Variants in TRPV1 observed in about 807,000 individuals in gnomAD.
TRPV1 encodes transient receptor potential cation channel subfamily V member 1.
Under a neutral mutation model 82.3 loss-of-function variants are expected in TRPV1, and 82 were observed. That is an observed-to-expected ratio of 1.00 (90% CI 0.83 to 1.20). The LOEUF (loss-of-function observed/expected upper bound fraction) is 1.20. Among genes scored for constraint, TRPV1 ranks in the 50% most tolerant of loss-of-function variants. The pLI, the probability that TRPV1 is intolerant of heterozygous loss-of-function variation, is 0.00. For missense variants in TRPV1, 1,067 were observed against 1,096.8 expected (o/e 0.97, Z 0.38); for synonymous variants, 515 against 467.7 (o/e 1.10, Z -1.30).
chr17:3,577,460 T>G (rs931814776), intron 12 of TRPV1, 138 bp downstream of exon 12: 59 of 1,203,698 alleles, frequency 4.9e-5, no homozygotes, highest in Non-Finnish European at 6.3e-5. Context: ...ATTGCTTGAT[T>G]CTTGGAAAAT....
At chr17:3,602,587 G>A (rs1597556876) in intron 2 of TRPV1, among the ~76,000 whole-genome samples, 2 of 152,308 alleles carry the variant, frequency 1.3e-5, no homozygotes, top group East Asian at 3.9e-4. Flanking sequence ...TCTAAGTTCA[G>A]GTTTGATGGG....
At chr17:3,580,002 A>G (rs568781484) in intron 11 of TRPV1, among the ~76,000 whole-genome samples, 1 of 149,708 alleles carries the variant, frequency 6.7e-6, no homozygotes, top group African/African-American at 2.4e-5. Flanking sequence ...GCTGCTATAT[A>G]CTCTACGATG....
intron 16 of TRPV1, among the ~76,000 whole-genome samples, chr17:3,568,446 T>C (rs1316474035): frequency 6.6e-6 from 1 of 152,184 alleles, no homozygotes; most frequent in East Asian, 1.9e-4. Context: ...ATAAGCATTA[T>C]TACAGGATGC....
intron 14 of TRPV1, among the ~76,000 whole-genome samples, chr17:3,573,258 T>C (rs1008432435): frequency 2.0e-5 from 3 of 152,006 alleles, no homozygotes; most frequent in African/African-American, 7.2e-5. Context: ...TCCTCTGAGG[T>C]GGACACCCTG....
rs1318024668 is a variant in TRPV1, at chr17:3,566,883, A to G, written c.2452T>C (p.Phe818Leu). Reference protein sequence around the residue: ...AQPEEVYLRQFSGSLKPEDAE... With the variant: ...AQPEEVYLRQLSGSLKPEDAE... ...TCCTCTGGCTTCAGAGACCCTGAAA[A>G]CTGTCGCAGATAAACTTCCTCGGGC... is the stretch of plus-strand genomic sequence containing the variant. Residue 818 changes from phenylalanine to leucine, a missense_variant, in exon 17 of 17, where the codon TTT (phenylalanine) becomes CTT (leucine). Phe to Leu is a conservative substitution (Grantham distance 22). Transcript: ENST00000572705. The G allele has an allele frequency of 6.2e-7, 1 of 1,613,948 alleles. No homozygotes were observed. Among genetic ancestry groups the G allele is most frequent in the East Asian group, 2.2e-5 (1 of 44,878 alleles).
chr17:3,589,772 G>A (rs201488859), intron 7 of TRPV1, 35 bp downstream of exon 7: 51 of 1,583,078 alleles, frequency 3.2e-5, no homozygotes, highest in South Asian at 2.4e-4. Context: ...CATCAGCCCC[G>A]CACCGCACCA....
chr17:3,578,020 A>G, intron 11 of TRPV1: 2 of 353,542 alleles, frequency 5.7e-6, no homozygotes, highest in Non-Finnish European at 1.1e-5. Context: ...TATAGTACCT[A>G]AAGGCCAGGC....
rs2074978455 is a variant in TRPV1 at position 3,579,565 on chromosome 17, TC to T, written c.1547+891del. Among the ~76,000 whole-genome samples, 3 of 152,266 alleles carry T rather than the reference TC, an allele frequency of 2.0e-5. No individual in the cohort carries two copies. In the South Asian group the frequency reaches 6.2e-4, roughly 32 times the overall value. On this transcript the variant is annotated intron_variant, in intron 11 of 16. Transcript: ENST00000572705. ...ATCTGGGCTCACTGCAACCTCTGTC[TC>T]CCGGGTACAAACAATTCTCCCACCT...
intron 2 of TRPV1, 28 bp from the exon 3 acceptor site, chr17:3,592,411 C>A: frequency 6.6e-7 from 1 of 1,515,730 alleles, no homozygotes; most frequent in South Asian, 1.2e-5. Context: ...CCGGGGTTGA[C>A]TCCCAAAGTA....
chr17:3,588,359 G>A lies in TRPV1; in HGVS notation c.1053C>T (p.Ala351=). 1 of 1,556,838 alleles carries A rather than the reference G, an allele frequency of 6.4e-7. No homozygotes were observed. Among genetic ancestry groups the A allele is most frequent in the African/African-American group, 1.4e-5 (1 of 73,348 alleles). Residue 351 remains alanine (A), a synonymous_variant, in exon 8 of 17, where the codon GCC becomes GCT. Coordinates refer to ENST00000572705, the MANE Select transcript of TRPV1 (RefSeq NM_080704.4). ...CCTGGATCTCCCGCTGGAGAATATA[G>A]GCCAAGACCTGCCCCCGGGGAGCAA... The part of the protein sequence containing the change: ...AAGTGKIGVL[A]YILQREIQEP...
intron 16 of TRPV1, among the ~76,000 whole-genome samples, chr17:3,567,575 A>G (rs2150820353): frequency 6.6e-6 from 1 of 151,936 alleles, no homozygotes; most frequent in African/African-American, 2.4e-5. Flanking sequence ...AGGAGAGCCC[A>G]TCGCCTGCCC....
chr17:3,569,942 G>A (rs1234897474), intron 16 of TRPV1, among the ~76,000 whole-genome samples: 2 of 151,192 alleles, frequency 1.3e-5, no homozygotes, highest in Non-Finnish European at 3.0e-5. Flanking sequence ...GGGGCCAAGG[G>A]GTCAGGGAGG....
Position 3,589,819 on chromosome 17 carries a change from G to C in TRPV1, c.1032C>G (p.Thr344=). 5 of 1,612,476 alleles carry C rather than the reference G, an allele frequency of 3.1e-6. No homozygotes were observed. Among genetic ancestry groups the C allele is most frequent in the Non-Finnish European group, 4.2e-6 (5 of 1,179,036 alleles). Residue 344 remains threonine, a synonymous_variant, in exon 7 of 17, where the codon ACC becomes ACG. Transcript: ENST00000572705. ...GMTPLALAAG[T]GKIGVLAYIL... ...AGCCCCCTCTTACCCCGATCTTCCC[G>C]GTCCCAGCTGCCAGAGCCAGCGGCG...
rs555725215 is a variant in TRPV1, at chr17:3,574,851, T to C, written c.1781-896A>G. On this transcript the variant is annotated intron_variant, in intron 13 of 16. Transcript: ENST00000572705. The stretch of plus-strand genomic sequence containing the variant: ...CTGAGGCAGGAGAATTGCTTGAACC[T>C]GGGAGGCAGAGTTTGCAGATCGCGC... Among the ~76,000 whole-genome samples the C allele has an allele frequency of 5.9e-4, 83 of 141,624 alleles. 2 individuals are homozygous for C. The Middle Eastern group carries it at 0.022, about 38-fold the overall frequency. The allele number at this position is 141,624 out of a possible 152,430, so 92.9% of individuals were successfully genotyped here.
chr17:3,605,274 C>T (rs958721869), intron 2 of TRPV1, among the ~76,000 whole-genome samples: 29 of 152,158 alleles, frequency 1.9e-4, no homozygotes, highest in Admixed American at 7.2e-4. Context: ...TTTCCGAGGC[C>T]GAGGTGGGTG....
At position 3,590,368 on chromosome 17, in the gene TRPV1, A is replaced by C. The variant is rs373661511; in HGVS notation, c.629T>G (p.Ile210Ser). The C allele has an allele frequency of 5.0e-6, 8 of 1,613,720 alleles. No homozygotes were observed. The highest frequency in any genetic ancestry group is 6.8e-6 in the Non-Finnish European group (8 of 1,179,874). ...CACCAGGGCCATGTTGCGTCTCTCG[A>C]TGGCGATGTGCAGTGCTGTCTGGCC... The part of the protein sequence containing the change: ...YKGQTALHIA[I>S]ERRNMALVTL... The change falls in exon 6 of 17, where the codon ATC becomes AGC. Residue 210 changes from isoleucine (I) to serine (S), a missense_variant. Ile to Ser is a moderately radical substitution (Grantham distance 142, BLOSUM62 -2). Coordinates refer to ENST00000572705, the MANE Select transcript of TRPV1 (RefSeq NM_080704.4).
Position 3,573,532 on chromosome 17 carries a change from G to GCCA in TRPV1, c.2103+100_2103+101insTGG. 5.1e-5 allele frequency: 13 copies of GCCA among 257,076 alleles called. 5 individuals are homozygous for GCCA. Among genetic ancestry groups the GCCA allele is most frequent in the South Asian group, 2.4e-4 (8 of 33,506 alleles). The allele number at this position is 257,076 out of a possible 1,614,324, so 15.9% of individuals were successfully genotyped here. On this transcript the variant is annotated intron_variant, in intron 14 of 16. Transcript: ENST00000572705. Reference sequence around the variant, plus strand: ...GCCCATACCCTCCTGGCCACACACCGCCCCCACCACCCACCCACCTGCAGC... The same window carrying GCCA: ...GCCCATACCCTCCTGGCCACACACCGCCACCCCCACCACCCACCCACCTGCAGC...
chr17:3,579,899 A>G (rs900207248), intron 11 of TRPV1, among the ~76,000 whole-genome samples: 1 of 152,078 alleles, frequency 6.6e-6, no homozygotes, highest in East Asian at 1.9e-4. Flanking sequence ...CATATCTGGA[A>G]ATGTTCTTGA....
Position 3,566,873 on chromosome 17 carries a change from G to A in TRPV1, c.2462C>T (p.Ser821Phe), listed in dbSNP as rs146183848. The change falls in exon 17 of 17, where the codon TCT becomes TTT. Residue 821 changes from serine to phenylalanine, a missense_variant. Coordinates refer to ENST00000572705, the MANE Select transcript of TRPV1 (RefSeq NM_080704.4). Reference protein sequence around the residue: ...EEVYLRQFSGSLKPEDAEVFK... With the variant: ...EEVYLRQFSGFLKPEDAEVFK... ...GACCTCAGCGTCCTCTGGCTTCAGA[G>A]ACCCTGAAAACTGTCGCAGATAAAC... 327 of 1,614,030 alleles carry A rather than the reference G, an allele frequency of 2.0e-4. 2 individuals are homozygous for A. Among genetic ancestry groups the A allele is most frequent in the Middle Eastern group, 2.0e-3 (12 of 6,062 alleles).
Sources: gnomAD v4.1 joint callset for allele counts (sites outside exome capture counted in the v4.1 genomes callset) on GRCh38, gnomAD v4.1.1 for gene constraint, MANE v1.5 for transcripts, NCBI Gene and HGNC (gene_info 2026-07-23, HGNC 2026-07-21) for gene names.